GORAB: variants seen among roughly 807,000 people sequenced by gnomAD.
The protein encoded by GORAB is RAB6-interacting golgin.
A neutral mutation model predicts 29.9 loss-of-function variants in GORAB; 17 were observed. The ratio of observed to expected loss-of-function variants is 0.57; its 90% CI spans 0.39 to 0.85. The LOEUF (loss-of-function observed/expected upper bound fraction) is 0.85, where lower values mean the gene tolerates loss of function less well. GORAB is among the 40% of genes least tolerant of loss of function. GORAB has a pLI of 0.00. For synonymous variants in GORAB, 183 were observed against 157.2 expected, an observed-to-expected ratio of 1.16 and a Z score of -1.23; for missense variants, 442 against 437.8, an observed-to-expected ratio of 1.01 and a Z score of -0.09.
In GORAB at chr1:170,539,625, A is replaced by G. The variant is rs539138556; in HGVS notation, c.419+58A>G. The G allele has an allele frequency of 1.2e-4, 182 of 1,549,982 alleles. 1 individual carries two copies. The South Asian group carries it at 1.4e-3, about 12-fold the overall frequency. On this transcript the variant is annotated intron_variant, in intron 2 of 4. Coordinates refer to ENST00000367763, the MANE Select transcript of GORAB (RefSeq NM_152281.3). ...TTTTCATTTAACCCGTTTTTTCCCA[A>G]TGGGCTTTAAGGAAATATAATTTGT...
At chr1:170,547,400 G>T (rs1217057141) in intron 4 of GORAB, among the ~76,000 whole-genome samples, 3 of 92,418 alleles carry the variant, frequency 3.2e-5, no homozygotes. Flanking sequence ...GAGAGTTGCT[G>T]CTGCTGCTGC....
intron 1 of GORAB, 92 bp from the exon 2 acceptor site, chr1:170,539,118 C>A: frequency 6.7e-7 from 1 of 1,485,060 alleles, no homozygotes; most frequent in Non-Finnish European, 9.3e-7. Flanking sequence ...CTAGAATTAT[C>A]AACGTTTAAT....
chr1:170,541,495 A>G (rs1399803514), intron 2 of GORAB, among the ~76,000 whole-genome samples: 1 of 152,074 alleles, frequency 6.6e-6, no homozygotes, highest in Non-Finnish European at 1.5e-5. Flanking sequence ...TGCAGTAGTA[A>G]AAGTGAGAAA....
intron 2 of GORAB, among the ~76,000 whole-genome samples, chr1:170,540,152 G>A (rs948692919): frequency 1.3e-5 from 2 of 151,738 alleles, no homozygotes; most frequent in Non-Finnish European, 2.9e-5. Context: ...GTGAAGGGAT[G>A]GTCAAAGGAG....
intron 3 of GORAB, among the ~76,000 whole-genome samples, chr1:170,543,084 G>GT (rs1268415291): frequency 1.3e-5 from 2 of 152,148 alleles, no homozygotes; most frequent in African/African-American, 4.8e-5. Context: ...ACATGATATA[G>GT]TTTAACTTTT....
In GORAB at chr1:170,553,173, T is replaced by C. The variant is rs1650233934; in HGVS notation, c.*711T>C. ...TCCTTTAATCGATGAATTGATTAAA[T>C]TTAGACAATTAAAACATTTCTAAAG... On this transcript the variant is annotated 3_prime_UTR_variant, in exon 5 of 5. Transcript: ENST00000367763. 1 of 432,868 alleles carries C rather than the reference T, an allele frequency of 2.3e-6. No individual in the cohort carries two copies. The highest frequency in any genetic ancestry group is 2.1e-5 in the African/African-American group (1 of 48,760). 26.8% of individuals were successfully genotyped at this position (432,868 alleles called of 1,614,324 possible). A position where few individuals can be genotyped will look rare whatever the true frequency, so the allele number is the denominator to read the frequency against.
At chr1:170,546,377 G>T (rs769827377) in intron 4 of GORAB, among the ~76,000 whole-genome samples, 2 of 151,492 alleles carry the variant, frequency 1.3e-5, no homozygotes, top group Admixed American at 6.6e-5. Flanking sequence ...GCAACAGAGC[G>T]AGACTCCGTC....
At chr1:170,548,922 T>C (rs905923369) in intron 4 of GORAB, among the ~76,000 whole-genome samples, 1 of 152,160 alleles carries the variant, frequency 6.6e-6, no homozygotes, top group Non-Finnish European at 1.5e-5. Context: ...TTTAAATAAG[T>C]AAATTTTCTC....
At chr1:170,543,508 G>A (rs1187291061) in intron 3 of GORAB, among the ~76,000 whole-genome samples, 2 of 152,024 alleles carry the variant, frequency 1.3e-5, no homozygotes, top group Admixed American at 6.6e-5. Context: ...GTTGAGAAAT[G>A]GTGATTTTTC....
chr1:170,551,263 A>G (rs746873626), intron 4 of GORAB, among the ~76,000 whole-genome samples: 30 of 152,304 alleles, frequency 2.0e-4, no homozygotes, highest in Middle Eastern at 3.4e-3. Context: ...GCAGTGCAGG[A>G]CAGCTTCTCA....
At chr1:170,551,504 T>G (rs1429874012) in intron 4 of GORAB, among the ~76,000 whole-genome samples, 18 of 152,210 alleles carry the variant, frequency 1.2e-4, no homozygotes, top group Admixed American at 1.2e-3. Context: ...ATTTTCCACT[T>G]TCTCCATCTC....
chr1:170,552,181 G>C lies in GORAB; in HGVS notation c.829G>C (p.Glu277Gln). The C allele has an allele frequency of 6.2e-7, 1 of 1,613,524 alleles. No homozygotes were observed. Among genetic ancestry groups the C allele is most frequent in the Non-Finnish European group, 8.5e-7 (1 of 1,179,908 alleles). Residue 277 changes from glutamate to glutamine, a missense_variant, in exon 5 of 5, where the codon GAA becomes CAA. Coordinates refer to ENST00000367763, the MANE Select transcript of GORAB (RefSeq NM_152281.3). ...GGAGTTGATGCAACAACTAGATGTA[G>C]AAGCCGATGAAGAGACTTTGGAGCT... is the stretch of plus-strand genomic sequence containing the variant. ...LEELMQQLDV[E>Q]ADEETLELEV...
chr1:170,546,977 G>A (rs140731268), intron 4 of GORAB, among the ~76,000 whole-genome samples: 1,564 of 152,282 alleles, frequency 0.01, 36 homozygotes, highest in African/African-American at 0.036. Flanking sequence ...GAGCCACCAC[G>A]CCTGGCCATG....
intron 1 of GORAB, 32 bp from the exon 2 acceptor site, chr1:170,539,178 A>T (rs772275964): frequency 6.2e-7 from 1 of 1,613,228 alleles, no homozygotes; most frequent in African/African-American, 1.3e-5. Context: ...CTGCCCACAC[A>T]AAGGAATTTT....
intron 4 of GORAB, among the ~76,000 whole-genome samples, chr1:170,548,118 A>C (rs1649873914): frequency 6.6e-6 from 1 of 152,246 alleles, no homozygotes; most frequent in South Asian, 2.1e-4. Context: ...CCACATATCC[A>C]AAATCAAGGT....
At position 170,532,518 on chromosome 1, in the gene GORAB, A is replaced by G. The variant is rs963239741; in HGVS notation, c.61+234A>G. The G allele has an allele frequency of 3.3e-5, 17 of 521,830 alleles. No individual in the cohort carries two copies. In the Middle Eastern group the frequency reaches 1.6e-3, roughly 50 times the overall value. The allele number at this position is 521,830 out of a possible 1,614,324, so 32.3% of individuals were successfully genotyped here. ...TTTAGAAAAAACGGTCCAGGAATCC[A>G]CTGTAGGGATTTGACTCTTGTGAAA... On this transcript the variant is annotated intron_variant, in intron 1 of 4. Transcript: ENST00000367763.
chr1:170,533,465 G>T (rs1336308719), intron 1 of GORAB: 2 of 421,368 alleles, frequency 4.7e-6, no homozygotes, highest in Non-Finnish European at 1.0e-5. Context: ...GATATACAGG[G>T]TACAAGTGCC....
chr1:170,551,254 C>T (rs1277786368), intron 4 of GORAB, among the ~76,000 whole-genome samples: 2 of 152,150 alleles, frequency 1.3e-5, no homozygotes, highest in African/African-American at 4.8e-5. Flanking sequence ...TAGCATCTTG[C>T]AGTGCAGGAC....
At chr1:170,551,245 A>C (rs1340136948) in intron 4 of GORAB, among the ~76,000 whole-genome samples, 1 of 152,220 alleles carries the variant, frequency 6.6e-6, no homozygotes, top group African/African-American at 2.4e-5. Context: ...GATGCTGTTT[A>C]GCATCTTGCA....
Sources: gnomAD v4.1 joint callset for allele counts (sites outside exome capture counted in the v4.1 genomes callset) on GRCh38, gnomAD v4.1.1 for gene constraint, MANE v1.5 for transcripts, NCBI Gene and HGNC (gene_info 2026-07-23, HGNC 2026-07-21) for gene names.